The following CTNND2 variants were observed in gnomAD, a reference collection of about 807,000 sequenced individuals.
The protein encoded by CTNND2 is catenin delta 2.
Under a neutral mutation model 144.4 loss-of-function variants are expected in CTNND2, and 22 were observed. The observed-to-expected ratio is 0.15, with a 90% CI of 0.11 to 0.22. The LOEUF (loss-of-function observed/expected upper bound fraction) is 0.22, where lower values mean the gene tolerates loss of function less well. CTNND2 is among the 10% of genes least tolerant of loss of function. The pLI is 1.00. For missense variants in CTNND2, 1,353 were observed against 1,618.8 expected (o/e 0.84, Z 2.82); for synonymous variants, 751 against 695.6 (o/e 1.08, Z -1.25).
intron 2 of CTNND2, among the ~76,000 whole-genome samples, chr5:11,633,737 A>G (rs957426134): frequency 1.7e-4 from 25 of 151,148 alleles, no homozygotes; most frequent in African/African-American, 5.8e-4. Flanking sequence ...AAATGTGCCA[A>G]TGTACTCCAG....
At chr5:11,080,125 G>T (rs1749394364) in intron 16 of CTNND2, among the ~76,000 whole-genome samples, 1 of 152,046 alleles carries the variant, frequency 6.6e-6, no homozygotes, top group African/African-American at 2.4e-5. Flanking sequence ...CAATTCAACA[G>T]CAAGAAAACA....
In CTNND2 at chr5:11,456,992, A is replaced by C. The variant is rs939492824; in HGVS notation, c.288-44923T>G. Among the ~76,000 whole-genome samples, 4 of 152,240 alleles carry C rather than the reference A, an allele frequency of 2.6e-5. No individual in the cohort carries two copies. The East Asian group carries it at 7.7e-4, about 29-fold the overall frequency. On this transcript the variant is annotated intron_variant, in intron 3 of 21. Coordinates refer to ENST00000304623, the MANE Select transcript of CTNND2 (RefSeq NM_001332.4). ...TTCATTTTGTAAACTGTAAAATAAC[A>C]ACAATAATAAAATTAAAAACTTGTA...
chr5:11,900,466 C>G (rs1044071248), intron 1 of CTNND2, among the ~76,000 whole-genome samples: 2 of 152,060 alleles, frequency 1.3e-5, no homozygotes, highest in Admixed American at 6.6e-5. Context: ...TTTATTAAAC[C>G]CAACCAGGCA....
At chr5:11,663,724 T>C (rs533374937) in intron 2 of CTNND2, among the ~76,000 whole-genome samples, 300 of 152,284 alleles carry the variant, frequency 2.0e-3, no homozygotes, top group African/African-American at 6.8e-3. Flanking sequence ...AAGATTATTA[T>C]AATTAAAATA....
rs557861246 is a variant in CTNND2, at chr5:11,198,581, T to C, written c.1975+867A>G. On this transcript the variant is annotated intron_variant, in intron 11 of 21. Coordinates refer to ENST00000304623, the MANE Select transcript of CTNND2 (RefSeq NM_001332.4). ...GACAGAAGGTCGACGGAATCACAGA[T>C]GATTAAAAGATCTTTTTAGACAGTC... 6.6e-4 allele frequency among the ~76,000 whole-genome samples: 100 copies of C among 152,340 alleles called. No individual in the cohort carries two copies. The Middle Eastern group carries it at 0.014, about 21-fold the overall frequency.
intron 9 of CTNND2, among the ~76,000 whole-genome samples, chr5:11,337,541 T>A (rs576056690): frequency 2.0e-5 from 3 of 152,288 alleles, no homozygotes; most frequent in South Asian, 4.1e-4. Context: ...AATATCTAAA[T>A]CCCATAGATA....
intron 2 of CTNND2, among the ~76,000 whole-genome samples, chr5:11,595,780 A>T (rs760647575): frequency 6.6e-6 from 1 of 152,206 alleles, no homozygotes; most frequent in Non-Finnish European, 1.5e-5. Flanking sequence ...AGCAATTTCC[A>T]TCCAGTTATC....
At chr5:11,394,126 T>C (rs556144388) in intron 6 of CTNND2, among the ~76,000 whole-genome samples, 2 of 152,300 alleles carry the variant, frequency 1.3e-5, no homozygotes, top group African/African-American at 4.8e-5. Context: ...CCCCATGCAC[T>C]TTGGATCTTG....
intron 2 of CTNND2, among the ~76,000 whole-genome samples, chr5:11,591,965 A>C (rs1189167382): frequency 6.6e-6 from 1 of 152,060 alleles, no homozygotes; most frequent in African/African-American, 2.4e-5. Context: ...CTGAAAATGT[A>C]GTTCTTATGC....
chr5:11,056,099 T>C (rs933162713), intron 16 of CTNND2, among the ~76,000 whole-genome samples: 1 of 152,230 alleles, frequency 6.6e-6, no homozygotes, highest in African/African-American at 2.4e-5. Flanking sequence ...TCTCCCACCA[T>C]CAGGCTTTTG....
intron 2 of CTNND2, among the ~76,000 whole-genome samples, chr5:11,625,149 T>G (rs1781087380): frequency 6.6e-6 from 1 of 152,122 alleles, no homozygotes; most frequent in African/African-American, 2.4e-5. Context: ...GAAATTGCTA[T>G]GAATCAGTGT....
At chr5:11,372,017 G>A (rs184928465) in intron 7 of CTNND2, among the ~76,000 whole-genome samples, 2 of 152,160 alleles carry the variant, frequency 1.3e-5, no homozygotes, top group East Asian at 3.9e-4. Flanking sequence ...GTACAGCTTT[G>A]CTGCTTTCAC....
chr5:11,225,899 C>T (rs1740287143), intron 10 of CTNND2, among the ~76,000 whole-genome samples: 1 of 152,178 alleles, frequency 6.6e-6, no homozygotes, highest in Non-Finnish European at 1.5e-5. Flanking sequence ...TCCAGTACAA[C>T]ATAAGCCCTT....
rs2126716990 is a variant in CTNND2, at chr5:11,721,012, A to G, written c.174+11124T>C. On this transcript the variant is annotated intron_variant, in intron 2 of 21. Coordinates refer to ENST00000304623, the MANE Select transcript of CTNND2 (RefSeq NM_001332.4). ...AACATATGTCCACACAAACTTGTAC[A>G]CAAATATTCACAGCAACACTATTCC... Among the ~76,000 whole-genome samples the G allele has an allele frequency of 2.0e-5, 3 of 152,346 alleles. No homozygotes were observed. The Middle Eastern group carries it at 0.01, about 518-fold the overall frequency.
At chr5:11,422,702 A>G (rs747881557) in intron 3 of CTNND2, among the ~76,000 whole-genome samples, 1 of 152,200 alleles carries the variant, frequency 6.6e-6, no homozygotes, top group African/African-American at 2.4e-5. Flanking sequence ...TAACAGCCAC[A>G]AAGAATTAGC....
At chr5:11,066,651 T>C (rs1257778119) in intron 16 of CTNND2, among the ~76,000 whole-genome samples, 1 of 152,190 alleles carries the variant, frequency 6.6e-6, no homozygotes, top group Non-Finnish European at 1.5e-5. Context: ...CCATGGTCAC[T>C]CATATTTGGC....
chr5:11,142,531 T>C (rs1756833991), intron 12 of CTNND2, among the ~76,000 whole-genome samples: 1 of 152,102 alleles, frequency 6.6e-6, no homozygotes, highest in Non-Finnish European at 1.5e-5. Context: ...TATAGTTCAC[T>C]TATAAGAAAT....
At chr5:11,409,491 G>A (rs565581040) in intron 5 of CTNND2, among the ~76,000 whole-genome samples, 1 of 152,084 alleles carries the variant, frequency 6.6e-6, no homozygotes, top group South Asian at 2.1e-4. Flanking sequence ...TTCATGAGAC[G>A]TGCATTCAAA....
chr5:11,804,283 A>G (rs541632753), intron 1 of CTNND2, among the ~76,000 whole-genome samples: 1 of 152,316 alleles, frequency 6.6e-6, no homozygotes, highest in Admixed American at 6.5e-5. Context: ...ATTCTGGAAG[A>G]CTGTTTGGCA....
Sources: allele counts gnomAD v4.1 joint callset (sites outside exome capture counted in the v4.1 genomes callset), GRCh38; gene constraint gnomAD v4.1.1; transcripts MANE v1.5; gene names NCBI Gene and HGNC (gene_info 2026-07-23, HGNC 2026-07-21).